Variants in ARID1A observed in about 807,000 individuals in gnomAD.
The protein encoded by ARID1A is AT-rich interactive domain-containing protein 1A.
In ARID1A, 20 loss-of-function variants were observed where a neutral mutation model predicts 212.6. The ratio of observed to expected loss-of-function variants is 0.09; its 90% CI spans 0.07 to 0.14. The LOEUF is 0.14. ARID1A is among the 10% of genes least tolerant of loss of function. The pLI, the probability that ARID1A is intolerant of heterozygous loss-of-function variation, is 1.00. For synonymous variants in ARID1A, 1,376 were observed against 1,222.1 expected, an observed-to-expected ratio of 1.13 and a Z score of -2.63; for missense variants, 2,587 against 3,059.0, an observed-to-expected ratio of 0.85 and a Z score of 3.64.
rs758384428 is a variant in ARID1A at position 26,767,954 on chromosome 1, C to G, written c.3153C>G (p.Leu1051=). The G allele has an allele frequency of 1.9e-6, 3 of 1,614,064 alleles. No homozygotes were observed. The highest frequency in any genetic ancestry group is 2.5e-6 in the Non-Finnish European group (3 of 1,179,950). The change falls in exon 11 of 20, where the codon CTC becomes CTG. Residue 1051 remains leucine, a synonymous_variant. Transcript: ENST00000324856. ...CTGTGGGTAGGAAACCTCTGGACCTCTATCGCCTCTATGTGTCTGTGAAGG... is the reference window on the plus strand; with the variant it reads ...CTGTGGGTAGGAAACCTCTGGACCTGTATCGCCTCTATGTGTCTGTGAAGG... ...LPAVGRKPLD[L]YRLYVSVKEI...
intron 1 of ARID1A, among the ~76,000 whole-genome samples, chr1:26,707,873 A>G (rs2080408562): frequency 1.3e-5 from 2 of 152,176 alleles, no homozygotes; most frequent in African/African-American, 2.4e-5. Context: ...CTGACAAGGT[A>G]GACAAGGTTT....
chr1:26,754,103 G>A (rs560964065), intron 4 of ARID1A, among the ~76,000 whole-genome samples: 35 of 152,272 alleles, frequency 2.3e-4, no homozygotes, highest in African/African-American at 8.2e-4. Context: ...CACCACACCT[G>A]GCCCGACTGA....
rs2124053485 is a variant in ARID1A, at chr1:26,760,838, C to A, written c.1921-18C>A. On this transcript the variant is annotated intron_variant, in intron 4 of 19. Coordinates refer to ENST00000324856, the MANE Select transcript of ARID1A (RefSeq NM_006015.6). ...CTGCCTAATATTACTAATCCATGTT[C>A]TTATATATATGTTCTAGGATCTATC... is the stretch of plus-strand genomic sequence containing the variant. The A allele has an allele frequency of 6.3e-7, 1 of 1,598,990 alleles. No homozygotes were observed.
chr1:26,744,082 C>T (rs1358752091), intron 4 of ARID1A, among the ~76,000 whole-genome samples: 1 of 152,128 alleles, frequency 6.6e-6, no homozygotes, highest in Non-Finnish European at 1.5e-5. Flanking sequence ...AATCCCCACC[C>T]CCTCTGTCAT....
intron 4 of ARID1A, among the ~76,000 whole-genome samples, chr1:26,754,327 T>G (rs900762151): frequency 6.6e-6 from 1 of 152,208 alleles, no homozygotes; most frequent in African/African-American, 2.4e-5. Flanking sequence ...GGACATCTTT[T>G]GGAGACTTCT....
rs2124153112 is a variant in ARID1A at position 26,780,696 on chromosome 1, G to C, written c.6798G>C (p.Leu2266Phe). ...SRLLDISVSP[L>F]MNSLVSQVIC... ...TGTTGGACATCTCGGTATCACCGTT[G>C]ATGAACTCATTGGTTTCACAAGTCA... The change falls in exon 20 of 20, where the codon TTG becomes TTC. Residue 2266 changes from leucine to phenylalanine, a missense_variant. Coordinates refer to ENST00000324856, the MANE Select transcript of ARID1A (RefSeq NM_006015.6). The surrounding 1 kb of genome is among the most constrained non-coding windows in gnomAD (Gnocchi z 7.2). 2 of 1,597,654 alleles carry C rather than the reference G, an allele frequency of 1.3e-6. No individual in the cohort carries two copies. Among genetic ancestry groups the C allele is most frequent in the East Asian group, 2.2e-5 (1 of 44,706 alleles).
At chr1:26,766,674 A>T (rs1237058901) in intron 10 of ARID1A, 108 bp downstream of exon 10, 1 of 1,143,704 alleles carries the variant, frequency 8.7e-7, no homozygotes, top group Non-Finnish European at 1.2e-6. Flanking sequence ...ATGACACCGG[A>T]CTAGATAGTC....
At chr1:26,721,059 A>G (rs562071731) in intron 1 of ARID1A, among the ~76,000 whole-genome samples, 1 of 152,234 alleles carries the variant, frequency 6.6e-6, no homozygotes, top group South Asian at 2.1e-4. Context: ...ACTGCCTCTC[A>G]GTTTACTGCT....
chr1:26,747,254 T>TA (rs926916017), intron 4 of ARID1A, among the ~76,000 whole-genome samples: 21 of 152,334 alleles, frequency 1.4e-4, no homozygotes, highest in Admixed American at 1.3e-3. Context: ...CCCTGCCTGT[T>TA]ATCAGCATAG....
rs1366872128 is a variant in ARID1A, at chr1:26,696,848, G to A, written c.445G>A (p.Gly149Ser). 7.5e-7 allele frequency: 1 copy of A among 1,340,592 alleles called. No homozygotes were observed. The highest frequency in any genetic ancestry group is 3.1e-5 in the East Asian group (1 of 32,272). 83.0% of individuals were successfully genotyped at this position (1,340,592 alleles called of 1,614,324 possible). The stretch of plus-strand genomic sequence containing the variant: ...GGCCGCCTTGCCGCCCCCAGCCTAC[G>A]GCTTCGGGCAACCCTACGGCCGGAG... ...AAAALPPPAYGFGQPYGRSPS... is the reference protein window; with the variant it reads ...AAAALPPPAYSFGQPYGRSPS... Residue 149 changes from glycine (G) to serine (S), a missense_variant, in exon 1 of 20, where the codon GGC becomes AGC. This residue lies in a region of ARID1A where 735 missense variants were observed against 590.6 expected (regional missense o/e 1.24). Transcript: ENST00000324856.
chr1:26,731,146 C>CT lies in ARID1A; in HGVS notation c.1351-5dup. 6.2e-7 allele frequency: 1 copy of CT among 1,612,412 alleles called. No individual in the cohort carries two copies. Among genetic ancestry groups the CT allele is most frequent in the Non-Finnish European group, 8.5e-7 (1 of 1,178,568 alleles). On this transcript the variant is annotated splice_polypyrimidine_tract_variant and splice_region_variant and intron_variant, in intron 2 of 19. Coordinates refer to ENST00000324856, the MANE Select transcript of ARID1A (RefSeq NM_006015.6). ...AGTGCTAAAAGTATATTTTCCTTTC[C>CT]TACAGATTCCTCCTTATGGACAACA...
chr1:26,734,434 C>G (rs2080710037), intron 4 of ARID1A, among the ~76,000 whole-genome samples: 1 of 145,156 alleles, frequency 6.9e-6, no homozygotes, highest in South Asian at 2.2e-4. Flanking sequence ...AACTTCTTAT[C>G]TGACCCACTG....
chr1:26,710,522 C>CAG (rs1557580114), intron 1 of ARID1A, among the ~76,000 whole-genome samples: 1 of 151,344 alleles, frequency 6.6e-6, no homozygotes, highest in African/African-American at 2.4e-5. Flanking sequence ...CACACACACA[C>CAG]ACACACCACT....
Position 26,775,101 on chromosome 1 carries a change from T to C in ARID1A, c.4874T>C (p.Ile1625Thr), listed in dbSNP as rs764864466. The C allele has an allele frequency of 1.9e-6, 3 of 1,611,338 alleles. No homozygotes were observed. The African/African-American group carries it at 4.0e-5, about 22-fold the overall frequency. Reference sequence around the variant, plus strand: ...GGTCCCCCAGTACCTGCCTCGCACATAGCACCTGCCCCTGTGCAGCCCCCC... The same window carrying C: ...GGTCCCCCAGTACCTGCCTCGCACACAGCACCTGCCCCTGTGCAGCCCCCC... ...KAGPPVPASH[I>T]APAPVQPPMI... Residue 1625 changes from isoleucine to threonine, a missense_variant, in exon 18 of 20, where the codon ATA becomes ACA. Physicochemically the swap from Ile to Thr is moderately conservative, Grantham distance 89. Around this residue, in one of 11 missense-constraint regions of ARID1A, gnomAD observed 890 missense variants for 1,098.2 expected, o/e 0.81. Transcript: ENST00000324856.
intron 7 of ARID1A, 32 bp downstream of exon 7, chr1:26,762,351 G>A (rs748980140): frequency 3.9e-5 from 62 of 1,594,740 alleles, no homozygotes; most frequent in Middle Eastern, 1.7e-4. Flanking sequence ...GAGTAGATAC[G>A]GGTGAGAGGA....
rs2124792417 is a variant in ARID1A, at chr1:26,732,714, A to T, written c.1842A>T (p.Ser614=). ...ATTCATTTGGGTCTCAGGCATCCTCAGCCCCCTCAATGACCTCCAGTAAGG... is the reference window on the plus strand; with the variant it reads ...ATTCATTTGGGTCTCAGGCATCCTCTGCCCCCTCAATGACCTCCAGTAAGG... ...SQDSFGSQAS[S]APSMTSSKGG... Residue 614 remains serine, a synonymous_variant, in exon 4 of 20, where the codon TCA becomes TCT. Coordinates refer to ENST00000324856, the MANE Select transcript of ARID1A (RefSeq NM_006015.6). 1 of 1,614,046 alleles carries T rather than the reference A, an allele frequency of 6.2e-7. No individual in the cohort carries two copies. The highest frequency in any genetic ancestry group is 8.5e-7 in the Non-Finnish European group (1 of 1,179,952).
chr1:26,737,693 C>T (rs2124798629), intron 4 of ARID1A, among the ~76,000 whole-genome samples: 1 of 152,072 alleles, frequency 6.6e-6, no homozygotes, highest in South Asian at 2.1e-4. Context: ...TGAAGAAACA[C>T]CATCTCTACT....
intron 14 of ARID1A, 99 bp from the exon 15 acceptor site, chr1:26,773,247 G>T: frequency 1.4e-6 from 2 of 1,456,228 alleles, no homozygotes; most frequent in Non-Finnish European, 1.8e-6. Context: ...GGAAAACAAT[G>T]AGATCAAACC....
Position 26,773,349 on chromosome 1 carries a change from C to T in ARID1A, c.3719C>T (p.Pro1240Leu), listed in dbSNP as rs761900757. The change falls in exon 15 of 20, where the codon CCA (proline) becomes CTA (leucine). Residue 1240 changes from proline (P) to leucine (L), a missense_variant. Physicochemically the swap from Pro to Leu is moderately conservative, Grantham distance 98 (BLOSUM62 -3). Around this residue, in one of 11 missense-constraint regions of ARID1A, gnomAD observed 890 missense variants for 1,098.2 expected, o/e 0.81. Transcript: ENST00000324856. ...KDPYGSMRKA[P>L]GSDPFMSSGQ... ...CCGCTTGCCTTTCTACGCTCAGCTC[C>T]AGGGAGTGATCCCTTCATGTCCTCA... 6.3e-7 allele frequency: 1 copy of T among 1,584,662 alleles called. No individual in the cohort carries two copies. Among genetic ancestry groups the T allele is most frequent in the South Asian group, 1.2e-5 (1 of 86,318 alleles).
Sources: allele counts gnomAD v4.1 joint callset (sites outside exome capture counted in the v4.1 genomes callset), GRCh38; gene constraint gnomAD v4.1.1; regional missense constraint gnomAD v4.1.1; non-coding constraint Gnocchi (gnomAD v3.1); transcripts MANE v1.5; gene names NCBI Gene and HGNC (gene_info 2026-07-23, HGNC 2026-07-21).